MYBBP1A: variants seen among roughly 807,000 people sequenced by gnomAD.
MYBBP1A encodes myb-binding protein 1A.
In MYBBP1A, 147 loss-of-function variants were observed where a neutral mutation model predicts 136.3. That is an observed-to-expected ratio of 1.08 (90% CI 0.94 to 1.24). The LOEUF is 1.24. Among genes scored for constraint, MYBBP1A ranks in the 50% most tolerant of loss-of-function variants. The probability of loss-of-function intolerance (pLI) is 0.00; values close to 1 mark genes in which losing one functional copy is unlikely to be tolerated. For synonymous variants in MYBBP1A, 947 were observed against 735.8 expected, an observed-to-expected ratio of 1.29 and a Z score of -4.65; for missense variants, 2,060 against 1,727.4, an observed-to-expected ratio of 1.19 and a Z score of -3.41.
chr17:4,541,652 G>T, intron 23 of MYBBP1A, 88 bp from the exon 24 acceptor site: 1 of 1,480,040 alleles, frequency 6.8e-7, no homozygotes, highest in South Asian at 1.1e-5. Flanking sequence ...CAGAGGCAGG[G>T]ACCGTCTCCT....
chr17:4,550,281 C>T lies in MYBBP1A; in HGVS notation c.1096G>A (p.Asp366Asn). The change falls in exon 9 of 26, where the codon GAC (aspartate) becomes AAC (asparagine). Residue 366 changes from aspartate to asparagine, a missense_variant. Asp to Asn is a conservative substitution (Grantham distance 23, BLOSUM62 1). Transcript: ENST00000254718. ...VGTFLEGCQD[D>N]PERQLAVLVA... ...AGCACGGCCAGCTGCCGCTCAGGGT[C>T]ATCCTGGCACCCCTCTAGGAAGGTG... The T allele has an allele frequency of 6.2e-7, 1 of 1,613,512 alleles. No individual in the cohort carries two copies. The highest frequency in any genetic ancestry group is 8.5e-7 in the Non-Finnish European group (1 of 1,180,006).
At chr17:4,540,130 CCCTGGGT>C (rs1567602081) in intron 25 of MYBBP1A, among the ~76,000 whole-genome samples, 163 bp from the exon 26 acceptor site, 6 of 148,068 alleles carry the variant, frequency 4.1e-5, no homozygotes, top group Non-Finnish European at 5.9e-5. Context: ...CCTGCGAGGC[CCCTGGGT>C]CCTGCGAGGG....
Position 4,545,509 on chromosome 17 carries a change from G to C in MYBBP1A, c.2073+101C>G, listed in dbSNP as rs2144458459. On this transcript the variant is annotated intron_variant, in intron 15 of 25. Coordinates refer to ENST00000254718, the MANE Select transcript of MYBBP1A (RefSeq NM_014520.4). ...GTTGAGACCCCTCCCACCGGCCGCA[G>C]GCTCCCGGCAGGGAGGCTGGAGGCT... The C allele has an allele frequency of 2.0e-6, 3 of 1,507,674 alleles. No homozygotes were observed. In the East Asian group the frequency reaches 7.1e-5, roughly 36 times the overall value. 93.4% of individuals were successfully genotyped at this position (1,507,674 alleles called of 1,614,324 possible).
intron 9 of MYBBP1A, 96 bp downstream of exon 9, chr17:4,549,962 G>C (rs889993111): frequency 7.3e-7 from 1 of 1,372,314 alleles, no homozygotes; most frequent in Non-Finnish European, 1.0e-6. Context: ...ATGGTTTAGA[G>C]CCAGGACGCT....
chr17:4,540,534 C>G (rs372577968), intron 24 of MYBBP1A, 50 bp from the exon 25 acceptor site: 3 of 1,525,286 alleles, frequency 2.0e-6, no homozygotes, highest in Admixed American at 3.9e-5. Flanking sequence ...GGCGGGGCCT[C>G]TCGCGGGCTC....
Position 4,555,266 on chromosome 17 carries a change from G to T in MYBBP1A, c.59C>A (p.Ala20Asp), listed in dbSNP as rs1304625974. The T allele has an allele frequency of 6.2e-7, 1 of 1,611,316 alleles. No individual in the cohort carries two copies. Among genetic ancestry groups the T allele is most frequent in the East Asian group, 2.2e-5 (1 of 44,816 alleles). Residue 20 changes from alanine (A) to aspartate (D), a missense_variant, in exon 1 of 26, where the codon GCC becomes GAC. Ala to Asp is a moderately radical substitution (Grantham distance 126). Transcript: ENST00000254718. ...TAGGCCATAGCGGTCGGCAGGCCGGGCGCCACTCTGCGTCGCTTCTCCAGG... is the reference window on the plus strand; with the variant it reads ...TAGGCCATAGCGGTCGGCAGGCCGGTCGCCACTCTGCGTCGCTTCTCCAGG... ...MSPGEATQSG[A>D]RPADRYGLLK...
Position 4,539,840 on chromosome 17 carries a change from CCT to C in MYBBP1A, c.3560_3561del (p.Glu1187GlyfsTer32), listed in dbSNP as rs1474067817. 7 of 1,609,556 alleles carry C rather than the reference CCT, an allele frequency of 4.3e-6. No individual in the cohort carries two copies. Among genetic ancestry groups the C allele is most frequent in the East Asian group, 2.2e-5 (1 of 44,898 alleles). On this transcript the variant is annotated frameshift_variant, in exon 26 of 26. Coordinates refer to ENST00000254718, the MANE Select transcript of MYBBP1A (RefSeq NM_014520.4). LOFTEE classifies it low-confidence loss of function (END_TRUNC). ...ETKKRKKRKS[E>X]DGTPAEDGTP... is the part of the protein sequence containing the mutation. ...GTGCCATCCTCCGCTGGCGTGCCAT[CCT>C]CTGACTTGCGTTTCTTGCGCTTCTT...
rs770634004 is a variant in MYBBP1A at position 4,552,212 on chromosome 17, C to T, written c.818G>A (p.Arg273His). Residue 273 changes from arginine (R) to histidine (H), a missense_variant, in exon 7 of 26, where the codon CGC (arginine) becomes CAC (histidine). Arg to His is a conservative substitution (Grantham distance 29). Transcript: ENST00000254718. The surrounding 1 kb of genome is among the most constrained non-coding windows in gnomAD (Gnocchi z 4.7). ...KLPAIALDLL[R>H]LALKEDKFPR... ...GAACTTGTCTTCCTTGAGTGCCAGG[C>T]GGAGCAGGTCCAGAGCAATGGCGGG... 2.1e-5 allele frequency: 34 copies of T among 1,614,106 alleles called. No homozygotes were observed. The highest frequency in any genetic ancestry group is 1.7e-4 in the Admixed American group (10 of 60,008).
rs1176977875 is a variant in MYBBP1A, at chr17:4,544,764, T to TCG, written c.2466_2467dup (p.Asp823AlafsTer14). ...CCCCAGGCTCACCCGGATCTGGAAG[T>TCG]CGCGCCGCAGAGCCTTCTCCTTCTG... On this transcript the variant is annotated frameshift_variant, in exon 18 of 26. Transcript: ENST00000254718. LOFTEE classifies it high-confidence loss of function. 3 of 1,567,542 alleles carry TCG rather than the reference T, an allele frequency of 1.9e-6. No homozygotes were observed. In the African/African-American group the frequency reaches 4.1e-5, roughly 22 times the overall value.
intron 25 of MYBBP1A, 81 bp from the exon 26 acceptor site, chr17:4,540,048 T>TTCTGAGGGTCC (rs1906222437): frequency 1.4e-6 from 2 of 1,480,550 alleles, no homozygotes; most frequent in East Asian, 4.5e-5. Context: ...TCCACCTGGA[T>TTCTGAGGGTCC]TCTGAGGGTC....
chr17:4,554,507 C>A (rs955482294), intron 2 of MYBBP1A, among the ~76,000 whole-genome samples: 2 of 152,180 alleles, frequency 1.3e-5, no homozygotes, highest in Admixed American at 1.3e-4. Context: ...ATCCTGCAGG[C>A]CTGGGTCTTT....
Position 4,548,800 on chromosome 17 carries a change from A to AGGCTGGAGGG in MYBBP1A, c.1431-161_1431-152dup. ...ACAGTCCTCGGGGGCCTGACGGGCA[A>AGGCTGGAGGG]GGCTGGAGGGGGCTGGGCTGGGCTA... is the stretch of plus-strand genomic sequence containing the variant. On this transcript the variant is annotated intron_variant, in intron 10 of 25. Transcript: ENST00000254718. This position sits in a 1 kb window ranked among gnomAD's most constrained non-coding sequence, Gnocchi z 4.2. 1 of 1,091,162 alleles carries AGGCTGGAGGG rather than the reference A, an allele frequency of 9.2e-7. No homozygotes were observed. The highest frequency in any genetic ancestry group is 2.6e-5 in the Admixed American group (1 of 38,098). 67.6% of individuals were successfully genotyped at this position (1,091,162 alleles called of 1,614,324 possible).
At chr17:4,541,973 C>T in intron 22 of MYBBP1A, 82 bp from the exon 23 acceptor site, 2 of 1,040,828 alleles carry the variant, frequency 1.9e-6, no homozygotes, top group Non-Finnish European at 2.9e-6. Flanking sequence ...GCTCGGGGGC[C>T]CGCTGGGCAC....
At position 4,550,329 on chromosome 17, in the gene MYBBP1A, G is replaced by A. The variant is rs1485096353; in HGVS notation, c.1048C>T (p.Pro350Ser). The change falls in exon 9 of 26, where the codon CCA (proline) becomes TCA (serine). Residue 350 changes from proline (P) to serine (S), a missense_variant. Pro to Ser is a moderately conservative substitution (Grantham distance 74). Coordinates refer to ENST00000254718, the MANE Select transcript of MYBBP1A (RefSeq NM_014520.4). The part of the protein sequence containing the change: ...AKLPKQFKFA[P>S]EMDDYVGTFL... ...GTGCCCACGTAATCGTCCATCTCTG[G>A]GGCAAACTTGAACTGCTTTGGGAGC... The A allele has an allele frequency of 3.7e-6, 6 of 1,612,650 alleles. No individual in the cohort carries two copies. The Admixed American group carries it at 6.7e-5, about 18-fold the overall frequency.
intron 25 of MYBBP1A, 91 bp from the exon 26 acceptor site, chr17:4,540,058 CCTCTGAGGCCCCTAGGTT>C (rs886503016): frequency 2.1e-6 from 3 of 1,430,214 alleles, no homozygotes; most frequent in African/African-American, 1.4e-5. Flanking sequence ...TTCTGAGGGT[CCTCTGAGGCCCCTAGGTT>C]CTGTGAGGCC....
Position 4,554,267 on chromosome 17 carries a change from A to C in MYBBP1A, c.306T>G (p.Ser102=). 1.9e-6 allele frequency: 3 copies of C among 1,613,972 alleles called. No homozygotes were observed. The highest frequency in any genetic ancestry group is 2.5e-6 in the Non-Finnish European group (3 of 1,179,964). The part of the protein sequence containing the change: ...YSLALAQLLQ[S]FEDLPLCSIL... ...TGCTGCACAAGGGGAGGTCTTCAAA[A>C]GACTGTAACAGCTGCCAGGAGTTGT... The change falls in exon 3 of 26, where the codon TCT becomes TCG. Residue 102 remains serine, a synonymous_variant. Transcript: ENST00000254718.
In MYBBP1A at chr17:4,548,491, C is replaced by T. The variant is rs1299502563; in HGVS notation, c.1556+33G>A. 1 of 1,613,442 alleles carries T rather than the reference C, an allele frequency of 6.2e-7. No homozygotes were observed. The highest frequency in any genetic ancestry group is 2.2e-5 in the East Asian group (1 of 44,888). On this transcript the variant is annotated intron_variant, in intron 11 of 25. Coordinates refer to ENST00000254718, the MANE Select transcript of MYBBP1A (RefSeq NM_014520.4). The surrounding 1 kb of genome is among the most constrained non-coding windows in gnomAD (Gnocchi z 4.2). ...GCAGGCGCCCTCAAGGCCTTCCCAC[C>T]TTCGGACCTCTCCTGGGCTGCCCAA...
intron 8 of MYBBP1A, among the ~76,000 whole-genome samples, chr17:4,551,356 C>T (rs927926311): frequency 4.6e-5 from 7 of 152,222 alleles, no homozygotes; most frequent in Admixed American, 2.6e-4. Flanking sequence ...CTGAACAGCC[C>T]GCTGGCTATC....
chr17:4,545,261 C>G lies in MYBBP1A; in HGVS notation c.2158G>C (p.Glu720Gln). The G allele has an allele frequency of 1.2e-6, 2 of 1,612,974 alleles. No homozygotes were observed. The highest frequency in any genetic ancestry group is 1.7e-6 in the Non-Finnish European group (2 of 1,179,918). Reference protein sequence around the residue: ...DSDERRLKGAEDKSEEGEDNR... With the variant: ...DSDERRLKGAQDKSEEGEDNR... ...CGCCCGGCCCATGCTGGCAACACCT[C>G]TGCACCCTTCAGCCGCCGCTCATCA... The change falls in exon 16 of 26, where the codon GAG (glutamate) becomes CAG (glutamine). Residue 720 changes from glutamate (E) to glutamine (Q), a missense_variant and splice_region_variant. Transcript: ENST00000254718.
Sources: gnomAD v4.1 joint callset for allele counts (sites outside exome capture counted in the v4.1 genomes callset) on GRCh38, gnomAD v4.1.1 for gene constraint, Gnocchi (gnomAD v3.1) non-coding constraint, MANE v1.5 for transcripts, NCBI Gene and HGNC (gene_info 2026-07-23, HGNC 2026-07-21) for gene names.